The following TENM2 variants were observed in gnomAD, a reference collection of about 807,000 sequenced individuals.
The protein encoded by TENM2 is teneurin-2.
In TENM2, 52 loss-of-function variants were observed where a neutral mutation model predicts 245.2. The observed-to-expected ratio is 0.21, with a 90% confidence interval of 0.17 to 0.27. The LOEUF (loss-of-function observed/expected upper bound fraction) is 0.27, where lower values mean the gene tolerates loss of function less well. Among genes scored for constraint, TENM2 ranks in the 10% least tolerant of loss-of-function variants. The probability of loss-of-function intolerance (pLI) is 1.00; values close to 1 mark genes in which losing one functional copy is unlikely to be tolerated. For missense variants in TENM2, 3,046 were observed against 3,666.8 expected, an observed-to-expected ratio of 0.83 and a Z score of 4.37; for synonymous variants, 1,363 against 1,438.9, an observed-to-expected ratio of 0.95 and a Z score of 1.19.
chr5:167,971,203 A>G (rs1447327081), intron 4 of TENM2, among the ~76,000 whole-genome samples: 1 of 151,604 alleles, frequency 6.6e-6, no homozygotes, highest in Admixed American at 6.6e-5. Context: ...AGATAGAGAC[A>G]GAGATAGAGA....
chr5:168,203,907 A>C, intron 18 of TENM2, 75 bp downstream of exon 20: 2 of 1,366,452 alleles, frequency 1.5e-6, no homozygotes, highest in East Asian at 2.6e-5. Context: ...CTCAGCATTT[A>C]AGTGATCACA....
intron 2 of TENM2, among the ~76,000 whole-genome samples, chr5:167,609,488 CAAAAAAAAAAAA>C (rs5873049): frequency 1.5e-3 from 54 of 36,698 alleles, no homozygotes; most frequent in Non-Finnish European, 1.8e-3. Context: ...CCTGATGATG[CAAAAAAAAAAAA>C]AAAAAAAAAA....
chr5:167,283,246 A>ACTATC (rs1368185557), upstream of TENM2, among the ~76,000 whole-genome samples: 3 of 151,682 alleles, frequency 2.0e-5, no homozygotes, highest in Non-Finnish European at 4.4e-5. Context: ...ACGGGGTTTC[A>ACTATC]CTATGTTGGC....
intron 27 of TENM2, among the ~76,000 whole-genome samples, chr5:168,248,746 C>G (rs896246889): frequency 6.6e-6 from 1 of 152,224 alleles, no homozygotes. Flanking sequence ...ACTAGTTGTT[C>G]AATCTCTCTG....
At chr5:167,634,943 T>TGGGTC (rs747570042) in intron 2 of TENM2, among the ~76,000 whole-genome samples, 77 of 152,332 alleles carry the variant, frequency 5.1e-4, no homozygotes, top group Non-Finnish European at 1.3e-4. Flanking sequence ...TTTCAGTTGA[T>TGGGTC]GGGTCCATGG....
intron 4 of TENM2, among the ~76,000 whole-genome samples, chr5:167,988,050 G>A (rs1238552604): frequency 6.6e-6 from 1 of 152,156 alleles, no homozygotes; most frequent in Non-Finnish European, 1.5e-5. Context: ...TACATCCTGC[G>A]AGGGTTTATG....
chr5:167,168,730 T>G, the TENM2 span, among the ~76,000 whole-genome samples: 1 of 152,138 alleles, frequency 6.6e-6, no homozygotes, highest in Admixed American at 6.6e-5. Flanking sequence ...TTGTTGATAT[T>G]TGAAAATGAT....
rs891820183 is a variant in TENM2, at chr5:168,207,084, G to T, written c.3824+2463G>T. 2.0e-5 allele frequency among the ~76,000 whole-genome samples: 3 copies of T among 152,140 alleles called. No homozygotes were observed. In the East Asian group the frequency reaches 5.8e-4, roughly 29 times the overall value. On this transcript the variant is annotated intron_variant, in intron 19 of 28. Coordinates refer to ENST00000518659, the Ensembl canonical transcript of TENM2. ...AGAAACCATTGTCACCCACCTCTGA[G>T]TCACTACACCCTCTGATCCTCCATT...
At chr5:167,837,712 C>G (rs1214805711) in intron 2 of TENM2, among the ~76,000 whole-genome samples, 2 of 152,104 alleles carry the variant, frequency 1.3e-5, no homozygotes, top group Non-Finnish European at 2.9e-5. Context: ...TAAGATTGCT[C>G]TGACTCAAGA....
intron 2 of TENM2, among the ~76,000 whole-genome samples, chr5:167,552,522 C>T (rs370879967): frequency 5.9e-5 from 9 of 152,092 alleles, no homozygotes; most frequent in East Asian, 3.9e-4. Flanking sequence ...TCCCATCCTT[C>T]CCCCCAACCC....
In TENM2 at chr5:167,649,552, C is replaced by G. The variant is rs76027407; in HGVS notation, c.503-226434C>G. Among the ~76,000 whole-genome samples the G allele has an allele frequency of 2.1e-3, 314 of 152,090 alleles. 7 individuals carry two copies. In the East Asian group the frequency reaches 0.044, roughly 21 times the overall value. On this transcript the variant is annotated intron_variant, in intron 2 of 28. Coordinates refer to ENST00000518659, the Ensembl canonical transcript of TENM2. ...ACACACACACAGAAGTCTTTTGAGACTGTCTTTTTTTCTTATGTCATGGCC... is the reference window on the plus strand; with the variant it reads ...ACACACACACAGAAGTCTTTTGAGAGTGTCTTTTTTTCTTATGTCATGGCC...
At chr5:167,637,579 A>T (rs541326475) in intron 2 of TENM2, among the ~76,000 whole-genome samples, 69 of 152,344 alleles carry the variant, frequency 4.5e-4, no homozygotes, top group South Asian at 4.3e-3. Context: ...CCCAATGCCC[A>T]TCAATGATAG....
intron 2 of TENM2, among the ~76,000 whole-genome samples, chr5:167,782,319 A>G (rs1764249812): frequency 1.4e-5 from 2 of 144,904 alleles, no homozygotes; most frequent in Non-Finnish European, 3.0e-5. Context: ...GTCTCAAAAA[A>G]AAAAAAAAAA....
rs76172613 is a variant in TENM2, at chr5:167,887,115, C to T, written c.712+10920C>T. 6.6e-5 allele frequency among the ~76,000 whole-genome samples: 10 copies of T among 152,326 alleles called. No homozygotes were observed. The East Asian group carries it at 1.9e-3, about 29-fold the overall frequency. On this transcript the variant is annotated intron_variant, in intron 3 of 28. Transcript: ENST00000518659. Reference sequence around the variant, plus strand: ...TACCATCATTTCCTCAGAGCTTTCCCAACCAACACTGCCCAACTAGAACTT... The same window carrying T: ...TACCATCATTTCCTCAGAGCTTTCCTAACCAACACTGCCCAACTAGAACTT...
intron 5 of TENM2, among the ~76,000 whole-genome samples, chr5:168,004,517 G>GCGCGCACA (rs898616203): frequency 0.021 from 2,744 of 132,124 alleles, 70 homozygotes; most frequent in African/African-American, 0.057. Flanking sequence ...GCGCGCGCGC[G>GCGCGCACA]CACACACACA....
chr5:167,239,460 C>G, the TENM2 span, among the ~76,000 whole-genome samples: 1 of 152,176 alleles, frequency 6.6e-6, no homozygotes, highest in Non-Finnish European at 1.5e-5. Context: ...ACTGTTTCCT[C>G]CAAGACACCT....
chr5:167,269,141 G>A, the TENM2 span, among the ~76,000 whole-genome samples: 5 of 152,160 alleles, frequency 3.3e-5, no homozygotes, highest in East Asian at 9.6e-4. Flanking sequence ...CACAAAATTT[G>A]TATGAAAATT....
rs145170047 is a variant in TENM2 at position 167,737,886 on chromosome 5, G to C, written c.503-138100G>C. Among the ~76,000 whole-genome samples, 621 of 152,270 alleles carry C rather than the reference G, an allele frequency of 4.1e-3. 3 individuals carry two copies. Among genetic ancestry groups the C allele is most frequent in the Non-Finnish European group, 6.4e-3 (433 of 68,020 alleles). Reference sequence around the variant, plus strand: ...GGGAGAGCTCATGAAAATGAATGGGGCTCCCCTGATGCACAAGATTCTTCT... The same window carrying C: ...GGGAGAGCTCATGAAAATGAATGGGCCTCCCCTGATGCACAAGATTCTTCT... On this transcript the variant is annotated intron_variant, in intron 2 of 28. Coordinates refer to ENST00000518659, the Ensembl canonical transcript of TENM2.
rs151333941 is a variant in TENM2, at chr5:168,119,613, C to T, written c.2008+1127C>T. ...GCCACAGCTGGTAGGAAGGTAAGACCATAGACCCTCTCAGCCCCTTGCCCA... is the reference window on the plus strand; with the variant it reads ...GCCACAGCTGGTAGGAAGGTAAGACTATAGACCCTCTCAGCCCCTTGCCCA... On this transcript the variant is annotated intron_variant, in intron 10 of 28. Coordinates refer to ENST00000518659, the Ensembl canonical transcript of TENM2. Among the ~76,000 whole-genome samples, 1,299 of 152,178 alleles carry T rather than the reference C, an allele frequency of 8.5e-3. 14 individuals carry two copies. The highest frequency in any genetic ancestry group is 0.03 in the African/African-American group (1,236 of 41,528).
Sources: gnomAD v4.1 joint callset for allele counts (sites outside exome capture counted in the v4.1 genomes callset) on GRCh38, gnomAD v4.1.1 for gene constraint, MANE v1.5 for transcripts, NCBI Gene and HGNC (gene_info 2026-07-23, HGNC 2026-07-21) for gene names.